PRKG1: variants seen among roughly 807,000 people sequenced by gnomAD.
PRKG1 encodes the protein protein kinase cGMP-dependent 1.
In PRKG1, 35 loss-of-function variants were observed where a neutral mutation model predicts 88.1. The ratio of observed to expected loss-of-function variants is 0.40; its 90% CI spans 0.30 to 0.53. The LOEUF is 0.53. PRKG1 is among the 20% of genes least tolerant of loss of function. PRKG1 has a pLI of 0.59. For missense variants in PRKG1, 540 were observed against 839.8 expected (o/e 0.64, Z 4.41); for synonymous variants, 303 against 292.5 (o/e 1.04, Z -0.37).
At chr10:51,526,044 T>G (rs1357130993) in intron 3 of PRKG1, among the ~76,000 whole-genome samples, 1 of 152,158 alleles carries the variant, frequency 6.6e-6, no homozygotes, top group African/African-American at 2.4e-5. Flanking sequence ...GATCTCGAAC[T>G]CCTGACTTCA....
intron 3 of PRKG1, among the ~76,000 whole-genome samples, chr10:51,518,431 C>G (rs887124722): frequency 6.6e-6 from 1 of 152,204 alleles, no homozygotes; most frequent in African/African-American, 2.4e-5. Context: ...GCTCACTTAT[C>G]TCTGCTTTCC....
intron 2 of PRKG1, among the ~76,000 whole-genome samples, chr10:51,376,186 A>T (rs1180500104): frequency 6.6e-6 from 1 of 152,242 alleles, no homozygotes; most frequent in Non-Finnish European, 1.5e-5. Flanking sequence ...GACCAATAAA[A>T]GCAGTTGAAA....
At chr10:52,166,369 C>T (rs1276885735) in intron 9 of PRKG1, among the ~76,000 whole-genome samples, 4 of 151,230 alleles carry the variant, frequency 2.6e-5, no homozygotes, top group Non-Finnish European at 4.4e-5. Flanking sequence ...TGAATACTTT[C>T]ACTATTTGGT....
At chr10:51,347,539 G>A (rs1482352741) in intron 2 of PRKG1, among the ~76,000 whole-genome samples, 1 of 152,062 alleles carries the variant, frequency 6.6e-6, no homozygotes, top group Non-Finnish European at 1.5e-5. Context: ...AACTGGTAAT[G>A]CCATTTTTAG....
intron 5 of PRKG1, among the ~76,000 whole-genome samples, chr10:52,040,785 C>G (rs1017539799): frequency 1.3e-5 from 2 of 149,248 alleles, no homozygotes; most frequent in African/African-American, 2.5e-5. Flanking sequence ...TTAACTTTTT[C>G]TCGCTTAAGT....
At chr10:51,490,782 C>T (rs990143412) in intron 3 of PRKG1, among the ~76,000 whole-genome samples, 2 of 151,986 alleles carry the variant, frequency 1.3e-5, no homozygotes, top group African/African-American at 4.8e-5. Context: ...TATAGTTTTT[C>T]AGGAAAGCAA....
At chr10:51,874,877 A>C (rs1008097694) in intron 4 of PRKG1, among the ~76,000 whole-genome samples, 1 of 152,160 alleles carries the variant, frequency 6.6e-6, no homozygotes, top group Non-Finnish European at 1.5e-5. Context: ...TATTGGGAAG[A>C]TTGTGTGAAA....
At chr10:52,042,928 C>T (rs1269806610) in intron 5 of PRKG1, among the ~76,000 whole-genome samples, 1 of 152,066 alleles carries the variant, frequency 6.6e-6, no homozygotes, top group Non-Finnish European at 1.5e-5. Context: ...TCTAAATAGT[C>T]ATTTCTCAAA....
At chr10:52,222,622 G>A (rs555093053) in intron 9 of PRKG1, among the ~76,000 whole-genome samples, 54 of 152,268 alleles carry the variant, frequency 3.5e-4, no homozygotes, top group African/African-American at 1.3e-3. Context: ...ATAAAACCCA[G>A]TACAACTCCT....
intron 2 of PRKG1, among the ~76,000 whole-genome samples, chr10:51,223,844 A>G (rs2087407377): frequency 6.6e-6 from 1 of 152,208 alleles, no homozygotes; most frequent in Non-Finnish European, 1.5e-5. Flanking sequence ...TGTGCTGAAG[A>G]ATAAATTGAA....
chr10:51,711,269 C>T (rs948651719), intron 3 of PRKG1, among the ~76,000 whole-genome samples: 2 of 152,150 alleles, frequency 1.3e-5, no homozygotes, highest in African/African-American at 4.8e-5. Flanking sequence ...CCACGCCTGG[C>T]TAATTTTTTG....
rs567582035 is a variant in PRKG1 at position 51,152,990 on chromosome 10, T to G, written c.312-174T>G. ...ATTCTTAGTGCCTTTTTTTTTTTTTTTTTGTTTTGCTGCCATGGACATACT... is the reference window on the plus strand; with the variant it reads ...ATTCTTAGTGCCTTTTTTTTTTTTTGTTTGTTTTGCTGCCATGGACATACT... On this transcript the variant is annotated intron_variant, in intron 1 of 17. Coordinates refer to ENST00000373980, the MANE Select transcript of PRKG1 (RefSeq NM_006258.4). 1.5e-3 allele frequency among the ~76,000 whole-genome samples: 227 copies of G among 148,498 alleles called. 8 individuals carry two copies. The highest frequency in any genetic ancestry group is 2.7e-4 in the Non-Finnish European group (18 of 67,020).
intron 2 of PRKG1, among the ~76,000 whole-genome samples, chr10:51,240,653 C>T (rs1839127511): frequency 6.6e-6 from 1 of 152,130 alleles, no homozygotes; most frequent in Non-Finnish European, 1.5e-5. Flanking sequence ...ACTTCCAGAT[C>T]AAACAAAATC....
At chr10:51,655,110 T>C (rs1451105042) in intron 3 of PRKG1, among the ~76,000 whole-genome samples, 1 of 152,200 alleles carries the variant, frequency 6.6e-6, no homozygotes, top group Non-Finnish European at 1.5e-5. Context: ...AATTAAGTCC[T>C]GGGCCACATG....
intron 9 of PRKG1, among the ~76,000 whole-genome samples, chr10:52,219,025 A>G (rs1468798750): frequency 6.6e-6 from 1 of 152,196 alleles, no homozygotes; most frequent in Non-Finnish European, 1.5e-5. Flanking sequence ...AAAATGAAAC[A>G]CAATTTAAAA....
In PRKG1 at chr10:51,786,513, G is replaced by A. The variant is rs1937660; in HGVS notation, c.593-18072G>A. Reference sequence around the variant, plus strand: ...CTAACTGTAAGCACTTTTTCCATGGGGAACTCTTCCCTCACCACTAGGGCT... The same window carrying A: ...CTAACTGTAAGCACTTTTTCCATGGAGAACTCTTCCCTCACCACTAGGGCT... On this transcript the variant is annotated intron_variant, in intron 3 of 17. Transcript: ENST00000373980. Among the ~76,000 whole-genome samples the A allele has an allele frequency of 2.9e-3, 447 of 151,956 alleles. 2 individuals are homozygous for A. The highest frequency in any genetic ancestry group is 0.01 in the African/African-American group (423 of 41,472).
chr10:51,689,990 G>T (rs1841095124), intron 3 of PRKG1, among the ~76,000 whole-genome samples: 1 of 152,178 alleles, frequency 6.6e-6, no homozygotes, highest in South Asian at 2.1e-4. Flanking sequence ...AAAGAAAAGA[G>T]GTTTAATTGG....
chr10:51,959,312 G>A (rs1384901154), intron 5 of PRKG1, among the ~76,000 whole-genome samples: 3 of 152,160 alleles, frequency 2.0e-5, no homozygotes. Flanking sequence ...AAATAGTTGA[G>A]CTGTGCCTTG....
intron 5 of PRKG1, chr10:51,909,893 G>A (rs1238000034): frequency 6.6e-6 from 1 of 152,250 alleles, no homozygotes; most frequent in African/African-American, 2.4e-5. Context: ...AGATATTACT[G>A]AAGCAGGGGA....
Sources: gnomAD v4.1 joint callset for allele counts (sites outside exome capture counted in the v4.1 genomes callset) on GRCh38, gnomAD v4.1.1 for gene constraint, MANE v1.5 for transcripts, NCBI Gene and HGNC (gene_info 2026-07-23, HGNC 2026-07-21) for gene names.